HIVEP3: variants seen among roughly 807,000 people sequenced by gnomAD.
HIVEP3 encodes the protein transcription factor HIVEP3.
A neutral mutation model predicts 152.8 loss-of-function variants in HIVEP3; 49 were observed. The ratio of observed to expected loss-of-function variants is 0.32; its 90% CI spans 0.26 to 0.41. The LOEUF (loss-of-function observed/expected upper bound fraction) is 0.41. HIVEP3 is among the 10% of genes least tolerant of loss of function. HIVEP3 has a pLI of 1.00. For synonymous variants in HIVEP3, 1,269 were observed against 1,289.0 expected, an observed-to-expected ratio of 0.98 and a Z score of 0.33; for missense variants, 2,790 against 3,103.3, an observed-to-expected ratio of 0.90 and a Z score of 2.40.
chr1:41,734,524 G>T (rs1646887943), intron 1 of HIVEP3, among the ~76,000 whole-genome samples: 1 of 152,188 alleles, frequency 6.6e-6, no homozygotes, highest in African/African-American at 2.4e-5. Context: ...CATTCTTGCT[G>T]CTGAAAGGTG....
chr1:41,698,643 A>G (rs1385176281), intron 2 of HIVEP3, among the ~76,000 whole-genome samples: 1 of 152,088 alleles, frequency 6.6e-6, no homozygotes, highest in Non-Finnish European at 1.5e-5. Context: ...TGACACCCCA[A>G]CACATCCTGG....
intron 1 of HIVEP3, chr1:41,847,318 T>A (rs1280855335): frequency 6.6e-6 from 1 of 152,236 alleles, no homozygotes; most frequent in African/African-American, 2.4e-5. Flanking sequence ...TACTCTTACA[T>A]TACAATTGCT....
intron 4 of HIVEP3, among the ~76,000 whole-genome samples, chr1:41,575,972 C>A (rs1265751839): frequency 6.6e-6 from 1 of 152,182 alleles, no homozygotes; most frequent in Non-Finnish European, 1.5e-5. Context: ...TGTTCTCTGT[C>A]TTTTACACTA....
intron 1 of HIVEP3, among the ~76,000 whole-genome samples, chr1:41,836,790 G>C (rs1048712567): frequency 6.6e-6 from 1 of 152,182 alleles, no homozygotes; most frequent in Non-Finnish European, 1.5e-5. Context: ...TAAACCCCTA[G>C]TGAGTCTGCA....
intron 2 of HIVEP3, among the ~76,000 whole-genome samples, chr1:41,697,430 C>A (rs1046141138): frequency 6.6e-6 from 1 of 152,228 alleles, no homozygotes; most frequent in East Asian, 1.9e-4. Flanking sequence ...TGAGCCCCTC[C>A]ACGTGCACGC....
Position 41,512,806 on chromosome 1 carries a change from AG to A in HIVEP3, c.6405+9del, listed in dbSNP as rs747019286. 1.5e-5 allele frequency: 22 copies of A among 1,476,644 alleles called. No individual in the cohort carries two copies. The Middle Eastern group carries it at 6.3e-4, about 42-fold the overall frequency. The allele number at this position is 1,476,644 out of a possible 1,614,324, so 91.5% of individuals were successfully genotyped here. ...GAGAAGCGGCCCAGCCACCAGGGGC[AG>A]GAACTCACCCACGGGGAGGCGCAGG... On this transcript the variant is annotated intron_variant, in intron 8 of 8. Transcript: ENST00000372583.
chr1:41,929,031 T>C (rs992113149), intron 1 of HIVEP3, among the ~76,000 whole-genome samples: 1 of 152,172 alleles, frequency 6.6e-6, no homozygotes, highest in Non-Finnish European at 1.5e-5. Context: ...TTGATAAATA[T>C]TGGGAGTCTC....
At chr1:41,734,359 A>G (rs1646885106) in intron 1 of HIVEP3, among the ~76,000 whole-genome samples, 2 of 152,226 alleles carry the variant, frequency 1.3e-5, no homozygotes, top group African/African-American at 4.8e-5. Context: ...TGGCACGCAC[A>G]TGGCCCAGCG....
rs145863676 is a variant in HIVEP3, at chr1:41,534,216, G to C, written c.5208-9306C>G. On this transcript the variant is annotated intron_variant, in intron 5 of 8. Transcript: ENST00000372583. ...CAGGCTTACCACTCCTTCCAGCCTA[G>C]AGGTCCCACTTCATGCTTCTCCCAC... Among the ~76,000 whole-genome samples, 18 of 152,208 alleles carry C rather than the reference G, an allele frequency of 1.2e-4. No individual in the cohort carries two copies. The East Asian group carries it at 3.1e-3, about 26-fold the overall frequency.
chr1:41,940,597 T>C (rs1645040620), intron 1 of HIVEP3, among the ~76,000 whole-genome samples: 1 of 152,166 alleles, frequency 6.6e-6, no homozygotes, highest in Non-Finnish European at 1.5e-5. Flanking sequence ...ATATGTGGCT[T>C]AGGAGAGTGA....
intron 1 of HIVEP3, among the ~76,000 whole-genome samples, chr1:41,731,692 C>A (rs1482253362): frequency 6.6e-6 from 1 of 152,204 alleles, no homozygotes; most frequent in Admixed American, 6.5e-5. Context: ...TCAGCTTTGA[C>A]ATGCCAAGCC....
intron 1 of HIVEP3, among the ~76,000 whole-genome samples, chr1:41,935,048 T>G (rs537843713): frequency 6.6e-6 from 1 of 152,160 alleles, no homozygotes; most frequent in Non-Finnish European, 1.5e-5. Flanking sequence ...GTTTTATTAT[T>G]TATTCTAGTT....
intron 1 of HIVEP3, among the ~76,000 whole-genome samples, chr1:42,028,381 G>A (rs1011274823): frequency 6.6e-6 from 1 of 152,192 alleles, no homozygotes; most frequent in Non-Finnish European, 1.5e-5. Flanking sequence ...ACATACAGTA[G>A]AAGGAGAGAC....
chr1:41,677,099 A>C (rs1645969140), intron 2 of HIVEP3, among the ~76,000 whole-genome samples: 1 of 152,348 alleles, frequency 6.6e-6, no homozygotes, highest in East Asian at 1.9e-4. Context: ...TGATGACATT[A>C]TATCAGCTCC....
chr1:41,748,665 C>T (rs1184336523), intron 1 of HIVEP3, among the ~76,000 whole-genome samples: 2 of 152,222 alleles, frequency 1.3e-5, no homozygotes, highest in African/African-American at 4.8e-5. Context: ...ATCACAGTCA[C>T]CATTGCATGA....
chr1:41,979,139 C>T (rs147048119), intron 1 of HIVEP3, among the ~76,000 whole-genome samples: 5 of 152,274 alleles, frequency 3.3e-5, no homozygotes, highest in African/African-American at 1.2e-4. Context: ...CACCTCTACC[C>T]TCTTGGATCA....
intron 1 of HIVEP3, among the ~76,000 whole-genome samples, chr1:41,953,764 G>C (rs1334846567): frequency 6.6e-6 from 1 of 152,214 alleles, no homozygotes; most frequent in Non-Finnish European, 1.5e-5. Context: ...AGAGGAAGAA[G>C]GAAGGAGATG....
intron 1 of HIVEP3, among the ~76,000 whole-genome samples, chr1:41,937,549 A>G (rs1210691382): frequency 6.6e-6 from 1 of 152,242 alleles, no homozygotes; most frequent in African/African-American, 2.4e-5. Flanking sequence ...ATGTAAGTAC[A>G]AAAGGCACAC....
At chr1:41,885,040 A>G (rs1216209469) in intron 1 of HIVEP3, among the ~76,000 whole-genome samples, 3 of 152,204 alleles carry the variant, frequency 2.0e-5, no homozygotes, top group East Asian at 3.8e-4. Context: ...TGCTCTCCAC[A>G]GAGCAGTCCC....
Sources: allele counts gnomAD v4.1 joint callset (sites outside exome capture counted in the v4.1 genomes callset), GRCh38; gene constraint gnomAD v4.1.1; transcripts MANE v1.5; gene names NCBI Gene and HGNC (gene_info 2026-07-23, HGNC 2026-07-21).